Variants in ALK observed in about 807,000 individuals in gnomAD.
ALK encodes ALK tyrosine kinase receptor.
ALK carries 74 observed loss-of-function variants against 163.1 expected under a neutral mutation model. That is an observed-to-expected ratio of 0.45 (90% CI 0.38 to 0.55). The LOEUF (loss-of-function observed/expected upper bound fraction) is 0.55. Among genes scored for constraint, ALK ranks in the 20% least tolerant of loss-of-function variants. The pLI is 0.00. For missense variants in ALK, 2,063 were observed against 2,105.3 expected (o/e 0.98, Z 0.39); for synonymous variants, 960 against 843.2 (o/e 1.14, Z -2.40).
At chr2:29,775,506 A>G (rs1423627438) in intron 1 of ALK, among the ~76,000 whole-genome samples, 1 of 151,734 alleles carries the variant, frequency 6.6e-6, no homozygotes, top group Non-Finnish European at 1.5e-5. Flanking sequence ...CTGTTCCACC[A>G]TGTAGGATCG....
At chr2:29,863,255 C>T (rs1666341360) in intron 1 of ALK, among the ~76,000 whole-genome samples, 1 of 152,046 alleles carries the variant, frequency 6.6e-6, no homozygotes, top group Admixed American at 6.6e-5. Context: ...AAAGCAAAAA[C>T]AGACAAAAGA....
chr2:29,597,940 G>A (rs1282272522), intron 3 of ALK, among the ~76,000 whole-genome samples: 2 of 152,190 alleles, frequency 1.3e-5, no homozygotes, highest in African/African-American at 4.8e-5. Flanking sequence ...ATCTGCCAAG[G>A]GAGGCTGGCC....
At chr2:29,744,845 G>C (rs117138598) in intron 1 of ALK, among the ~76,000 whole-genome samples, 1 of 152,030 alleles carries the variant, frequency 6.6e-6, no homozygotes, top group Non-Finnish European at 1.5e-5. Context: ...AGCTGTATTA[G>C]CTTTTCCAAC....
At chr2:29,714,159 T>A (rs1028499066) in intron 2 of ALK, among the ~76,000 whole-genome samples, 1 of 152,036 alleles carries the variant, frequency 6.6e-6, no homozygotes, top group Non-Finnish European at 1.5e-5. Flanking sequence ...GAGCTGATGA[T>A]AAAAAGAAAA....
chr2:29,523,812 C>T lies in ALK; in HGVS notation c.1154+8103G>A, dbSNP rs185820730. 7.3e-5 allele frequency among the ~76,000 whole-genome samples: 11 copies of T among 149,784 alleles called. No homozygotes were observed. The East Asian group carries it at 2.0e-3, about 27-fold the overall frequency. On this transcript the variant is annotated intron_variant, in intron 4 of 28. Transcript: ENST00000389048. The stretch of plus-strand genomic sequence containing the variant: ...CAGCTCAAAAGAGCCTCACTACAAG[C>T]CTTCAGCTGTCAAATCTCGAAGGTC...
intron 23 of ALK, among the ~76,000 whole-genome samples, chr2:29,216,748 C>T (rs1201156332): frequency 2.0e-5 from 3 of 147,842 alleles, no homozygotes; most frequent in South Asian, 2.2e-4. Flanking sequence ...GTTTTGTGTA[C>T]GTGTGTGGTT....
At chr2:29,484,064 T>C (rs1205995159) in intron 4 of ALK, among the ~76,000 whole-genome samples, 4 of 152,092 alleles carry the variant, frequency 2.6e-5, no homozygotes, top group Non-Finnish European at 2.9e-5. Context: ...GTGATACTTA[T>C]TCACTATCAT....
chr2:29,225,663 A>G, intron 18 of ALK, 98 bp from the exon 19 acceptor site: 5 of 993,562 alleles, frequency 5.0e-6, no homozygotes, highest in Non-Finnish European at 7.8e-6. Context: ...GACAAAAACT[A>G]CTTGCTCCTT....
In ALK at chr2:29,823,821, C is replaced by T. The variant is rs149595399; in HGVS notation, c.667+96172G>A. Among the ~76,000 whole-genome samples the T allele has an allele frequency of 4.2e-3, 642 of 152,272 alleles. 33 individuals are homozygous for T. In the East Asian group the frequency reaches 0.11, roughly 25 times the overall value. ...CTGACAATGTGATAGAAAAGAAAAT[C>T]CCATTTTCTGAGGGGAAATTCAAGC... On this transcript the variant is annotated intron_variant, in intron 1 of 28. Transcript: ENST00000389048.
chr2:29,566,038 T>A (rs1374326172), intron 3 of ALK, among the ~76,000 whole-genome samples: 1 of 152,084 alleles, frequency 6.6e-6, no homozygotes, highest in Non-Finnish European at 1.5e-5. Context: ...AGATGCTCCG[T>A]ATGAGAGGTT....
intron 4 of ALK, among the ~76,000 whole-genome samples, chr2:29,432,811 T>A (rs1670304277): frequency 6.6e-6 from 1 of 152,002 alleles, no homozygotes; most frequent in South Asian, 2.1e-4. Flanking sequence ...TAAACATTTG[T>A]CTAAACATGT....
intron 3 of ALK, among the ~76,000 whole-genome samples, chr2:29,580,439 G>A (rs932173790): frequency 2.0e-5 from 3 of 152,176 alleles, no homozygotes; most frequent in African/African-American, 7.2e-5. Context: ...TGGCATCTGA[G>A]CAACCTTATA....
chr2:29,193,327 T>A lies in ALK; in HGVS notation c.4760A>T (p.Gln1587Leu). 1 of 1,614,202 alleles carries A rather than the reference T, an allele frequency of 6.2e-7. No homozygotes were observed. Among genetic ancestry groups the A allele is most frequent in the African/African-American group, 1.3e-5 (1 of 75,050 alleles). The change falls in exon 29 of 29, where the codon CAG becomes CTG. Residue 1587 changes from glutamine (Q) to leucine (L), a missense_variant. Coordinates refer to ENST00000389048, the MANE Select transcript of ALK (RefSeq NM_004304.5). ...FPCGNVNYGY[Q>L]QQGLPLEAAT... ...GGCTTCTAAGGGCAAGCCCTGTTGC[T>A]GGTAGCCGTAATTGACATTCCCACA...
rs1430324218 is a variant in ALK at position 29,328,457 on chromosome 2, G to A, written c.1307C>T (p.Ala436Val). ...SEGTSPGSKMALQSSFTCWNG... is the reference protein window; with the variant it reads ...SEGTSPGSKMVLQSSFTCWNG... The stretch of plus-strand genomic sequence containing the variant: ...CCAACAAGTGAAGGAGCTCTGCAGG[G>A]CCATCTTGGAGCCTGGGGATGTTCC... Residue 436 changes from alanine (A) to valine (V), a missense_variant, in exon 6 of 29, where the codon GCC becomes GTC. Ala to Val is a moderately conservative substitution (Grantham distance 64). Around this residue, in one of 5 missense-constraint regions of ALK, gnomAD observed 987 missense variants for 939.5 expected, o/e 1.05. Transcript: ENST00000389048. 2 of 1,614,180 alleles carry A rather than the reference G, an allele frequency of 1.2e-6. No homozygotes were observed. The highest frequency in any genetic ancestry group is 2.2e-5 in the South Asian group (2 of 91,084).
At chr2:29,550,306 G>A (rs1433182608) in intron 3 of ALK, among the ~76,000 whole-genome samples, 1 of 152,146 alleles carries the variant, frequency 6.6e-6, no homozygotes, top group Non-Finnish European at 1.5e-5. Flanking sequence ...AGCTCAAGAT[G>A]GTGTAGACTG....
intron 1 of ALK, 71 bp from the exon 2 acceptor site, chr2:29,717,768 A>C (rs1184919501): frequency 2.5e-6 from 4 of 1,606,258 alleles, no homozygotes; most frequent in East Asian, 4.5e-5. Context: ...ACTCAATATC[A>C]GTCAAAAATG....
chr2:29,667,118 T>C (rs999677334), intron 3 of ALK, among the ~76,000 whole-genome samples: 1 of 152,166 alleles, frequency 6.6e-6, no homozygotes, highest in African/African-American at 2.4e-5. Context: ...ATTTTGACTA[T>C]TGTGAATAGT....
intron 4 of ALK, among the ~76,000 whole-genome samples, chr2:29,480,269 A>G (rs1035478060): frequency 4.6e-5 from 7 of 152,174 alleles, no homozygotes; most frequent in African/African-American, 1.7e-4. Flanking sequence ...GAGGCTTTAG[A>G]TTTATTTATT....
At chr2:29,320,920 C>G (rs1392383001) in intron 6 of ALK, 38 bp from the exon 7 acceptor site, 1 of 1,613,922 alleles carries the variant, frequency 6.2e-7, no homozygotes, top group Admixed American at 1.7e-5. Context: ...ATTTTCAGGA[C>G]CACTAAAGGC....
Sources: allele counts gnomAD v4.1 joint callset (sites outside exome capture counted in the v4.1 genomes callset), GRCh38; gene constraint gnomAD v4.1.1; regional missense constraint gnomAD v4.1.1; transcripts MANE v1.5; gene names NCBI Gene and HGNC (gene_info 2026-07-23, HGNC 2026-07-21).